The following NOTCH2NLB variants were observed in gnomAD, a reference collection of about 807,000 sequenced individuals.
NOTCH2NLB encodes notch homolog 2 N-terminal-like protein B.
In NOTCH2NLB, 1 loss-of-function variant was observed where a neutral mutation model predicts 14.8. The observed-to-expected ratio is 0.07, with a 90% CI of 0.02 to 0.32. The LOEUF is 0.32. Among genes scored for constraint, NOTCH2NLB ranks in the 10% least tolerant of loss-of-function variants. NOTCH2NLB has a pLI of 1.00. For synonymous variants in NOTCH2NLB, 6 were observed against 57.5 expected (o/e 0.10, Z 4.05); for missense variants, 11 against 155.0 (o/e 0.07, Z 4.93).
At chr1:148,661,343 AACACAC>A (rs1161941006) in intron 1 of NOTCH2NLB, among the ~76,000 whole-genome samples, 17 of 149,280 alleles carry the variant, frequency 1.1e-4, no homozygotes, top group Non-Finnish European at 2.1e-4. Context: ...TCCTCCTCCC[AACACAC>A]ACACACACAC....
At chr1:148,633,222 A>G (rs1664144796) in intron 2 of NOTCH2NLB, among the ~76,000 whole-genome samples, 1 of 126,778 alleles carries the variant, frequency 7.9e-6, no homozygotes, top group Admixed American at 7.5e-5. Context: ...GTTAATAGGA[A>G]TCAGGACTCA....
At chr1:148,638,561 T>A (rs1326979337) in intron 2 of NOTCH2NLB, among the ~76,000 whole-genome samples, 27 of 149,220 alleles carry the variant, frequency 1.8e-4, no homozygotes, top group Admixed American at 3.3e-4. Flanking sequence ...CACCACATGT[T>A]TTTTTTCCCC....
chr1:148,691,747 C>A, the NOTCH2NLB span, among the ~76,000 whole-genome samples: 3 of 49,014 alleles, frequency 6.1e-5, no homozygotes, highest in Admixed American at 4.1e-4. Context: ...ATCTTGAGGG[C>A]AGATCCCTCA....
intron 2 of NOTCH2NLB, among the ~76,000 whole-genome samples, chr1:148,624,024 G>A (rs1663941725): frequency 1.1e-5 from 1 of 88,372 alleles, no homozygotes; most frequent in Non-Finnish European, 2.0e-5. Context: ...AGAAAGGGGA[G>A]TAATAGCTAA....
At chr1:148,686,992 C>T in the NOTCH2NLB span, among the ~76,000 whole-genome samples, 2 of 87,302 alleles carry the variant, frequency 2.3e-5, 1 homozygote, top group African/African-American at 7.8e-5. Flanking sequence ...CCTAGATGCT[C>T]GCTGCCTTGT....
At chr1:148,637,671 C>T (rs1289473480) in intron 2 of NOTCH2NLB, among the ~76,000 whole-genome samples, 1 of 143,754 alleles carries the variant, frequency 7.0e-6, no homozygotes, top group Non-Finnish European at 1.5e-5. Flanking sequence ...GTTTGCTGCA[C>T]CTATCAACCC....
chr1:148,703,096 C>A, the NOTCH2NLB span, among the ~76,000 whole-genome samples: 1 of 23,734 alleles, frequency 4.2e-5, no homozygotes, highest in Non-Finnish European at 8.6e-5. Context: ...TGGGCGACAG[C>A]GAGACTCCGT....
chr1:148,603,705 C>CA (rs1236942538), downstream of NOTCH2NLB, among the ~76,000 whole-genome samples: 1 of 102,190 alleles, frequency 9.8e-6, no homozygotes, highest in Admixed American at 9.7e-5. Flanking sequence ...GTTACTTATC[C>CA]AAAAAGATGA....
At chr1:148,613,133 T>C (rs1217596205) in intron 3 of NOTCH2NLB, among the ~76,000 whole-genome samples, 3 of 148,724 alleles carry the variant, frequency 2.0e-5, no homozygotes, top group South Asian at 2.1e-4. Flanking sequence ...ATAAGATTTA[T>C]TGACTTCACA....
At chr1:148,685,966 ACT>A in the NOTCH2NLB span, among the ~76,000 whole-genome samples, 4 of 48,034 alleles carry the variant, frequency 8.3e-5, no homozygotes, top group African/African-American at 3.5e-4. Context: ...TTCTGAAAAC[ACT>A]CTAATTAAAA....
intron 1 of NOTCH2NLB, among the ~76,000 whole-genome samples, chr1:148,645,763 C>A (rs1483393254): frequency 1.3e-5 from 2 of 150,508 alleles, no homozygotes; most frequent in African/African-American, 2.4e-5. Flanking sequence ...ACAGGGCCAC[C>A]CCCCCACCCA....
chr1:148,649,621 C>T lies in NOTCH2NLB; in HGVS notation c.4-9532G>A, dbSNP rs1359388619. Among the ~76,000 whole-genome samples the T allele has an allele frequency of 4.0e-5, 6 of 151,710 alleles. No homozygotes were observed. The East Asian group carries it at 7.7e-4, about 20-fold the overall frequency. ...CTCCTCCTGGGTTCACGCCATTCTC[C>T]TGCCTCAGCCTCCCGAGTAGCTGGG... On this transcript the variant is annotated intron_variant, in intron 1 of 4. Transcript: ENST00000593495.
rs1250677053 is a variant in NOTCH2NLB at position 148,622,723 on chromosome 1, A to G, written c.78-6773T>C. Among the ~76,000 whole-genome samples the G allele has an allele frequency of 4.5e-5, 3 of 65,990 alleles. 1 individual carries two copies. Among genetic ancestry groups the G allele is most frequent in the Non-Finnish European group, 7.3e-5 (3 of 41,338 alleles). 43.3% of individuals were successfully genotyped at this position (65,990 alleles called of 152,430 possible). On this transcript the variant is annotated intron_variant, in intron 2 of 4. Transcript: ENST00000593495. ...TGTGTACTTTTTTAGAAGCCACAAA[A>G]TACTACTATGTGCTATGGAATACAC...
chr1:148,628,343 A>T (rs1664034863), intron 2 of NOTCH2NLB, among the ~76,000 whole-genome samples: 1 of 116,546 alleles, frequency 8.6e-6, no homozygotes, highest in Admixed American at 8.1e-5. Context: ...ATTAAAGAAG[A>T]TCTCTAGAAA....
At chr1:148,670,547 T>TATATATATATATATATAA (rs1664751621) in intron 1 of NOTCH2NLB, among the ~76,000 whole-genome samples, 1 of 111,752 alleles carries the variant, frequency 8.9e-6, no homozygotes, top group Non-Finnish European at 1.9e-5. Context: ...AAAATATATA[T>TATATATATATATATATAA]ATATACATAT....
intron 2 of NOTCH2NLB, among the ~76,000 whole-genome samples, chr1:148,633,507 A>G (rs1664155828): frequency 1.6e-5 from 1 of 62,528 alleles, no homozygotes; most frequent in Admixed American, 1.5e-4. Flanking sequence ...GAGCCAAGAA[A>G]GCGCCACTGC....
At chr1:148,645,546 C>T (rs1400240380) in intron 1 of NOTCH2NLB, among the ~76,000 whole-genome samples, 1 of 147,952 alleles carries the variant, frequency 6.8e-6, no homozygotes, top group African/African-American at 2.5e-5. Flanking sequence ...AGTATTACTC[C>T]CCACCACTTC....
intron 1 of NOTCH2NLB, among the ~76,000 whole-genome samples, chr1:148,660,441 T>C (rs1165592223): frequency 6.9e-6 from 1 of 144,244 alleles, no homozygotes; most frequent in Non-Finnish European, 1.5e-5. Flanking sequence ...GAAGATTCCT[T>C]AATTCTGTCA....
At chr1:148,645,627 C>T (rs1664349825) in intron 1 of NOTCH2NLB, among the ~76,000 whole-genome samples, 1 of 146,904 alleles carries the variant, frequency 6.8e-6, no homozygotes, top group Non-Finnish European at 1.5e-5. Context: ...TCCATTCCTC[C>T]ATGCATGTCT....
Sources: allele counts gnomAD v4.1 joint callset (sites outside exome capture counted in the v4.1 genomes callset), GRCh38; gene constraint gnomAD v4.1.1; transcripts MANE v1.5; gene names NCBI Gene and HGNC (gene_info 2026-07-23, HGNC 2026-07-21).